Variants in ZFY observed in about 807,000 individuals in gnomAD.
ZFY encodes zinc finger protein Y-linked.
For missense variants in ZFY, 113 were observed against 170.9 expected (o/e 0.66, Z 1.89); for synonymous variants, 47 against 55.8 (o/e 0.84, Z 0.71).
intron 1 of ZFY, among the ~76,000 whole-genome samples, chrY:2,937,134 A>G (rs2124496745): frequency 3.0e-5 from 1 of 33,396 alleles, no homozygotes; most frequent in South Asian, 6.5e-4. Flanking sequence ...CTGTTACAAA[A>G]GTTTAAAGGT....
At chrY:2,964,325 T>C (rs781385769) in intron 3 of ZFY, among the ~76,000 whole-genome samples, 17 of 32,875 alleles carry the variant, frequency 5.2e-4, no homozygotes, top group Admixed American at 3.4e-3. Flanking sequence ...CTGATTGGGC[T>C]TTAGAAAATT....
chrY:2,963,091 T>C, intron 3 of ZFY, among the ~76,000 whole-genome samples: 1 of 32,949 alleles, frequency 3.0e-5, no homozygotes, highest in African/African-American at 1.2e-4. Context: ...TATATTAATA[T>C]AGAGAATACT....
At chrY:2,977,902 A>G in intron 6 of ZFY, 38 bp from the exon 7 acceptor site, 1 of 369,950 alleles carries the variant, frequency 2.7e-6, no homozygotes, top group Non-Finnish European at 3.8e-6. Context: ...TAGAATTTAT[A>G]ATGTTGTGTA....
At chrY:2,978,732 G>A in intron 7 of ZFY, 78 bp from the exon 8 acceptor site, 2 of 344,757 alleles carry the variant, frequency 5.8e-6, no homozygotes, top group Non-Finnish European at 8.5e-6. Flanking sequence ...CTAATGTTCA[G>A]AACACAAGCT....
intron 2 of ZFY, among the ~76,000 whole-genome samples, chrY:2,954,542 T>G (rs2051287178): frequency 3.3e-5 from 1 of 30,224 alleles, no homozygotes; most frequent in African/African-American, 1.3e-4. Context: ...AAAAAAATTT[T>G]TTTTTAATTA....
chrY:2,937,731 C>A, intron 1 of ZFY, among the ~76,000 whole-genome samples: 1 of 32,188 alleles, frequency 3.1e-5, no homozygotes, highest in South Asian at 6.9e-4. Context: ...GAAACTTTGC[C>A]CTTCTTCTTG....
At chrY:2,939,319 C>G in intron 1 of ZFY, among the ~76,000 whole-genome samples, 3 of 31,979 alleles carry the variant, frequency 9.4e-5, no homozygotes, top group Non-Finnish European at 1.5e-4. Context: ...CCTGCCCCTT[C>G]CTATAAATAT....
chrY:2,938,975 TA>T (rs2051227277), intron 1 of ZFY, among the ~76,000 whole-genome samples: 3 of 10,614 alleles, frequency 2.8e-4, no homozygotes. Flanking sequence ...TCAAAAAGCA[TA>T]CAGTGCTTAT....
intron 1 of ZFY, among the ~76,000 whole-genome samples, chrY:2,949,668 C>CAA (rs1386779144): frequency 2.7e-3 from 3 of 1,115 alleles, no homozygotes; most frequent in Non-Finnish European, 4.7e-3. Context: ...CTCATGTCTA[C>CAA]AAAAAAAAAA....
At chrY:2,957,460 G>T (rs2051296237) in intron 2 of ZFY, among the ~76,000 whole-genome samples, 1 of 33,220 alleles carries the variant, frequency 3.0e-5, no homozygotes. Flanking sequence ...CACTGTGCCC[G>T]GCCTGTTATT....
intron 2 of ZFY, among the ~76,000 whole-genome samples, chrY:2,957,409 CCA>C (rs2051296097): frequency 6.1e-5 from 2 of 32,963 alleles, no homozygotes; most frequent in Non-Finnish European, 1.5e-4. Context: ...GGCTATCCTC[CCA>C]CCTCAGCCTC....
intron 3 of ZFY, among the ~76,000 whole-genome samples, chrY:2,965,601 A>G (rs1036249966): frequency 1.5e-4 from 5 of 33,604 alleles, no homozygotes; most frequent in Non-Finnish European, 3.7e-4. Flanking sequence ...CAATAGATAC[A>G]CTAAAGCTTA....
intron 3 of ZFY, among the ~76,000 whole-genome samples, chrY:2,970,492 A>G (rs759295865): frequency 5.6e-4 from 19 of 33,874 alleles, no homozygotes; most frequent in Non-Finnish European, 1.2e-3. Context: ...GCATTGTAAG[A>G]CTGCAAAGCA....
intron 6 of ZFY, among the ~76,000 whole-genome samples, chrY:2,977,383 A>G: frequency 3.1e-5 from 1 of 31,859 alleles, no homozygotes; most frequent in Non-Finnish European, 7.6e-5. Flanking sequence ...TAACTTTACA[A>G]TTTTTGGGAG....
At chrY:2,960,579 T>C (rs2051305618) in intron 2 of ZFY, among the ~76,000 whole-genome samples, 3 of 25,529 alleles carry the variant, frequency 1.2e-4, no homozygotes, top group Non-Finnish European at 2.8e-4. Context: ...GTAGGTATAA[T>C]GAAAAAAAAA....
Sources: gnomAD v4.1 joint callset for allele counts (sites outside exome capture counted in the v4.1 genomes callset) on GRCh38, gnomAD v4.1.1 for gene constraint, MANE v1.5 for transcripts, NCBI Gene and HGNC (gene_info 2026-07-23, HGNC 2026-07-21) for gene names.